The following DPP6 variants were observed in gnomAD, a reference collection of about 807,000 sequenced individuals.
DPP6 encodes A-type potassium channel modulatory protein DPP6.
A neutral mutation model predicts 122.6 loss-of-function variants in DPP6; 69 were observed. The observed-to-expected ratio is 0.56, with a 90% CI of 0.46 to 0.69. The LOEUF (loss-of-function observed/expected upper bound fraction) is 0.69. DPP6 is among the 30% of genes least tolerant of loss of function. DPP6 has a pLI of 0.00. For missense variants in DPP6, 928 were observed against 1,116.9 expected (o/e 0.83, Z 2.41); for synonymous variants, 418 against 433.1 (o/e 0.97, Z 0.43).
Position 154,794,095 on chromosome 7 carries a change from A to G in DPP6, c.1153A>G (p.Met385Val). ...CGTTTCCAGGGAGTACTACATCACC[A>G]TGGTGAAGTGGGCCACCAGCACCAA... is the stretch of plus-strand genomic sequence containing the variant. The part of the protein sequence containing the change: ...DPRMREYYIT[M>V]VKWATSTKVA... The change falls in exon 11 of 26, where the codon ATG becomes GTG. Residue 385 changes from methionine to valine, a missense_variant. Physicochemically the swap from Met to Val is conservative, Grantham distance 21 (BLOSUM62 1). Coordinates refer to ENST00000377770, the MANE Select transcript of DPP6 (RefSeq NM_130797.4). 2 of 1,613,626 alleles carry G rather than the reference A, an allele frequency of 1.2e-6. No individual in the cohort carries two copies. The highest frequency in any genetic ancestry group is 1.7e-6 in the Non-Finnish European group (2 of 1,179,730).
At chr7:153,976,201 AAAAG>A (rs1405998198) in intron 1 of DPP6, among the ~76,000 whole-genome samples, 1 of 152,180 alleles carries the variant, frequency 6.6e-6, no homozygotes, top group East Asian at 1.9e-4. Context: ...TATTGAAAGA[AAAAG>A]AAGCCAGGAT....
chr7:153,983,624 T>TCTGC (rs1275430260), intron 1 of DPP6, among the ~76,000 whole-genome samples: 5 of 151,732 alleles, frequency 3.3e-5, no homozygotes, highest in African/African-American at 4.8e-5. Context: ...TAGCTTGGTG[T>TCTGC]CTGCCCAAAT....
intron 1 of DPP6, among the ~76,000 whole-genome samples, chr7:154,073,275 C>A (rs1803257088): frequency 6.6e-6 from 1 of 152,234 alleles, no homozygotes; most frequent in South Asian, 2.1e-4. Flanking sequence ...TTCCATGGTC[C>A]TCTGTCTGCC....
At chr7:154,506,824 A>G (rs1825704807) in intron 3 of DPP6, among the ~76,000 whole-genome samples, 1 of 152,206 alleles carries the variant, frequency 6.6e-6, no homozygotes, top group African/African-American at 2.4e-5. Context: ...TCAGGGGATA[A>G]CTACAGAGAA....
intron 1 of DPP6, among the ~76,000 whole-genome samples, chr7:154,044,019 C>A (rs1029343021): frequency 3.3e-5 from 5 of 149,846 alleles, no homozygotes; most frequent in Non-Finnish European, 7.4e-5. Context: ...AGCACAAATT[C>A]GGGGCACAAA....
intron 1 of DPP6, among the ~76,000 whole-genome samples, chr7:153,984,124 G>A (rs1187358731): frequency 2.0e-5 from 3 of 149,280 alleles, no homozygotes; most frequent in Non-Finnish European, 4.4e-5. Flanking sequence ...TGAAATTTTG[G>A]GCAAGTCATT....
chr7:154,578,829 G>A (rs1325066990), intron 5 of DPP6, among the ~76,000 whole-genome samples: 1 of 152,184 alleles, frequency 6.6e-6, no homozygotes, highest in East Asian at 1.9e-4. Flanking sequence ...CTAAAAGTGG[G>A]AGATGAAGGG....
intron 3 of DPP6, among the ~76,000 whole-genome samples, chr7:154,514,421 T>C (rs1418017060): frequency 6.6e-6 from 1 of 152,144 alleles, no homozygotes; most frequent in African/African-American, 2.4e-5. Context: ...AAATCCACCA[T>C]TTTAACCATG....
intron 10 of DPP6, among the ~76,000 whole-genome samples, chr7:154,791,052 G>A (rs922913919): frequency 1.4e-4 from 22 of 152,108 alleles, no homozygotes; most frequent in Non-Finnish European, 5.9e-5. Flanking sequence ...AGGAACTTGA[G>A]ACCAGCCTGG....
chr7:153,855,287 T>C, the DPP6 span, among the ~76,000 whole-genome samples: 2 of 152,130 alleles, frequency 1.3e-5, no homozygotes, highest in Non-Finnish European at 2.9e-5. Context: ...AATATTCTTT[T>C]TCAATATTAT....
At chr7:154,175,238 T>C (rs1458559492) in intron 1 of DPP6, among the ~76,000 whole-genome samples, 1 of 152,034 alleles carries the variant, frequency 6.6e-6, no homozygotes, top group Admixed American at 6.6e-5. Flanking sequence ...CACCAATGGG[T>C]ATATTACAGT....
chr7:154,169,040 C>T (rs939087382), intron 1 of DPP6, among the ~76,000 whole-genome samples: 7 of 152,144 alleles, frequency 4.6e-5, no homozygotes, highest in South Asian at 2.1e-4. Context: ...TTAGGGACAG[C>T]GGGATGGGGG....
At chr7:154,679,834 C>T (rs1839176465) in intron 7 of DPP6, among the ~76,000 whole-genome samples, 1 of 152,086 alleles carries the variant, frequency 6.6e-6, no homozygotes, top group South Asian at 2.1e-4. Flanking sequence ...GCCTTCTGTA[C>T]CCTCAGATAA....
At chr7:154,165,365 CA>C (rs944609029) in intron 1 of DPP6, among the ~76,000 whole-genome samples, 2 of 143,174 alleles carry the variant, frequency 1.4e-5, no homozygotes, top group African/African-American at 5.9e-5. Flanking sequence ...CATAGTATTC[CA>C]TGGTGTATAT....
chr7:154,644,289 T>C (rs1836304921), intron 6 of DPP6, among the ~76,000 whole-genome samples: 1 of 152,240 alleles, frequency 6.6e-6, no homozygotes. Context: ...TCAGCCAATG[T>C]AGAAACCACA....
Position 153,918,466 on chromosome 7 carries a change from ACTCT to A in DPP6, c.51+30753_51+30756del, listed in dbSNP as rs1202248132. ...CACACACACACACACACACACACAC[ACTCT>A]CTCTCTCTCTCTCTCTCTCTTTTTC... is the stretch of plus-strand genomic sequence containing the variant. On this transcript the variant is annotated intron_variant, in intron 1 of 25. Transcript: ENST00000404039. Among the ~76,000 whole-genome samples, 387 of 95,966 alleles carry A rather than the reference ACTCT, an allele frequency of 4.0e-3. 3 individuals carry two copies. Among genetic ancestry groups the A allele is most frequent in the African/African-American group, 0.013 (332 of 25,930 alleles). The allele number at this position is 95,966 out of a possible 152,430, so 63.0% of individuals were successfully genotyped here.
At chr7:154,215,413 T>C (rs990253543) in intron 1 of DPP6, among the ~76,000 whole-genome samples, 11 of 152,182 alleles carry the variant, frequency 7.2e-5, no homozygotes, top group Admixed American at 2.6e-4. Flanking sequence ...ATGAGGAGGT[T>C]ATATCAAGTG....
At chr7:154,199,835 T>C (rs1799075826) in intron 1 of DPP6, among the ~76,000 whole-genome samples, 1 of 152,162 alleles carries the variant, frequency 6.6e-6, no homozygotes, top group South Asian at 2.1e-4. Flanking sequence ...GTCTAACTCC[T>C]GACCTCAAGT....
At chr7:153,799,786 T>A in the DPP6 span, among the ~76,000 whole-genome samples, 1 of 152,252 alleles carries the variant, frequency 6.6e-6, no homozygotes, top group Non-Finnish European at 1.5e-5. Context: ...ATTATCCCAA[T>A]ATTTATGCAT....
Sources: allele counts gnomAD v4.1 joint callset (sites outside exome capture counted in the v4.1 genomes callset), GRCh38; gene constraint gnomAD v4.1.1; transcripts MANE v1.5; gene names NCBI Gene and HGNC (gene_info 2026-07-23, HGNC 2026-07-21).